The following RAD18 variants were observed in gnomAD, a reference collection of about 807,000 sequenced individuals.
RAD18 encodes the protein RAD18 E3 ubiquitin protein ligase.
RAD18 carries 47 observed loss-of-function variants against 60.4 expected under a neutral mutation model. That is an observed-to-expected ratio of 0.78 (90% CI 0.62 to 0.99). RAD18 has a LOEUF of 0.99. Ranked by LOEUF, RAD18 falls within the 50% of genes least tolerant of loss-of-function variation. The pLI is 0.00. For synonymous variants in RAD18, 225 were observed against 195.5 expected (o/e 1.15, Z -1.26); for missense variants, 640 against 593.3 (o/e 1.08, Z -0.82).
chr3:8,937,632 G>A (rs1019333398), intron 6 of RAD18, among the ~76,000 whole-genome samples: 1 of 152,140 alleles, frequency 6.6e-6, no homozygotes, highest in African/African-American at 2.4e-5. Flanking sequence ...AACTAAAGAA[G>A]AACATGGCCC....
intron 4 of RAD18, among the ~76,000 whole-genome samples, chr3:8,944,963 C>CA (rs1940816088): frequency 6.6e-6 from 1 of 151,824 alleles, no homozygotes. Flanking sequence ...AATCACAGAG[C>CA]AAAAATGTTC....
chr3:8,951,766 G>C (rs73810757), intron 2 of RAD18, among the ~76,000 whole-genome samples: 11,277 of 152,290 alleles, frequency 0.074, 824 homozygotes, highest in African/African-American at 0.19. Flanking sequence ...TTCTTAGCTT[G>C]AGCTGCCATA....
chr3:8,940,450 G>C (rs770830772), intron 5 of RAD18, among the ~76,000 whole-genome samples: 33 of 152,250 alleles, frequency 2.2e-4, no homozygotes, highest in Non-Finnish European at 3.5e-4. Context: ...GAAAATATAA[G>C]TGAAATTTAT....
intron 1 of RAD18, among the ~76,000 whole-genome samples, chr3:8,961,275 T>A (rs1345445470): frequency 6.6e-6 from 1 of 152,096 alleles, no homozygotes; most frequent in African/African-American, 2.4e-5. Flanking sequence ...GATGCCTGAA[T>A]AGAGAGTGGT....
chr3:8,909,260 T>C (rs997914756), intron 9 of RAD18, among the ~76,000 whole-genome samples: 1 of 152,154 alleles, frequency 6.6e-6, no homozygotes, highest in Non-Finnish European at 1.5e-5. Context: ...TAACAGACTT[T>C]ACAAACTGTA....
Position 8,890,439 on chromosome 3 carries a change from G to A in RAD18, c.1335C>T (p.Asp445=). The A allele has an allele frequency of 6.3e-7, 1 of 1,589,564 alleles. No homozygotes were observed. Among genetic ancestry groups the A allele is most frequent in the Non-Finnish European group, 8.6e-7 (1 of 1,157,752 alleles). Residue 445 remains aspartate (D), a synonymous_variant, in exon 12 of 13, where the codon GAC becomes GAT. Coordinates refer to ENST00000264926, the MANE Select transcript of RAD18 (RefSeq NM_020165.4). The part of the protein sequence containing the change: ...ESDSCNSSSS[D]IIRDLLEEEE... The stretch of plus-strand genomic sequence containing the variant: ...CTTCTTCTAAAAGATCTCTTATGAT[G>A]TCTGAACTGGAACTAAAAGGATATG...
intron 5 of RAD18, among the ~76,000 whole-genome samples, chr3:8,940,800 A>G (rs1269226023): frequency 5.9e-5 from 9 of 152,252 alleles, no homozygotes; most frequent in Non-Finnish European, 1.0e-4. Flanking sequence ...AGGGGCCGGC[A>G]AACATTCTTA....
At chr3:8,944,914 C>T (rs932076401) in intron 4 of RAD18, among the ~76,000 whole-genome samples, 3 of 152,172 alleles carry the variant, frequency 2.0e-5, no homozygotes, top group African/African-American at 7.2e-5. Flanking sequence ...CTGTAGTCGG[C>T]CCTTCCCATC....
intron 6 of RAD18, among the ~76,000 whole-genome samples, chr3:8,937,163 T>A (rs1286261499): frequency 1.3e-5 from 2 of 152,162 alleles, no homozygotes; most frequent in Non-Finnish European, 2.9e-5. Context: ...TATGGCAAAA[T>A]GAAATCTCAG....
intron 7 of RAD18, among the ~76,000 whole-genome samples, chr3:8,917,829 A>T (rs964827477): frequency 2.6e-5 from 4 of 152,140 alleles, no homozygotes; most frequent in African/African-American, 9.7e-5. Context: ...GAGACAGAGG[A>T]TGTCAGATTG....
rs532444127 is a variant in RAD18, at chr3:8,927,826, C to T, written c.889+8045G>A. Among the ~76,000 whole-genome samples, 92 of 151,776 alleles carry T rather than the reference C, an allele frequency of 6.1e-4. No homozygotes were observed. The South Asian group carries it at 6.7e-3, about 11-fold the overall frequency. ...GTCGCAAGGACAGAAAGCCAAACAC[C>T]GCATGTTCTCACTCATAGGTGGGAA... On this transcript the variant is annotated intron_variant, in intron 7 of 12. Transcript: ENST00000264926.
intron 9 of RAD18, among the ~76,000 whole-genome samples, chr3:8,907,432 G>T (rs532139715): frequency 6.6e-6 from 1 of 152,130 alleles, no homozygotes; most frequent in Non-Finnish European, 1.5e-5. Context: ...ATACAGAATG[G>T]CTGGGCTCCT....
chr3:8,908,655 A>C (rs1020783464), intron 9 of RAD18, among the ~76,000 whole-genome samples: 1 of 152,218 alleles, frequency 6.6e-6, no homozygotes, highest in African/African-American at 2.4e-5. Flanking sequence ...TGCGGTCTGC[A>C]TGCAGTATTT....
intron 7 of RAD18, among the ~76,000 whole-genome samples, chr3:8,924,305 G>C (rs1273004464): frequency 1.2e-4 from 18 of 148,504 alleles, no homozygotes; most frequent in African/African-American, 2.5e-4. Flanking sequence ...AAGATCAAAA[G>C]AGACAAAGTA....
At chr3:8,917,203 C>T (rs1940218615) in intron 7 of RAD18, among the ~76,000 whole-genome samples, 1 of 152,078 alleles carries the variant, frequency 6.6e-6, no homozygotes, top group African/African-American at 2.4e-5. Context: ...ATCCAGAATT[C>T]TAATAAAAAT....
chr3:8,959,072 T>C, intron 1 of RAD18, 71 bp from the exon 2 acceptor site: 3 of 1,219,712 alleles, frequency 2.5e-6, no homozygotes, highest in Non-Finnish European at 3.6e-6. Context: ...CAAAACTTTT[T>C]CTCTATCCCC....
intron 12 of RAD18, among the ~76,000 whole-genome samples, chr3:8,884,639 A>G (rs1392740918): frequency 6.6e-6 from 1 of 151,760 alleles, no homozygotes; most frequent in African/African-American, 2.4e-5. Flanking sequence ...TTTTCTTTCC[A>G]TGTTTCCCCT....
intron 12 of RAD18, among the ~76,000 whole-genome samples, chr3:8,882,917 T>C (rs912467867): frequency 6.6e-6 from 1 of 152,192 alleles, no homozygotes; most frequent in Admixed American, 6.5e-5. Flanking sequence ...GTCCCTATGG[T>C]CCTTCACTGC....
At chr3:8,904,010 T>C (rs562886014) in intron 9 of RAD18, among the ~76,000 whole-genome samples, 2 of 152,334 alleles carry the variant, frequency 1.3e-5, no homozygotes, top group South Asian at 4.1e-4. Context: ...TATAACTCTG[T>C]ATGTTGTAGA....
Sources: gnomAD v4.1 joint callset for allele counts (sites outside exome capture counted in the v4.1 genomes callset) on GRCh38, gnomAD v4.1.1 for gene constraint, MANE v1.5 for transcripts, NCBI Gene and HGNC (gene_info 2026-07-23, HGNC 2026-07-21) for gene names.